ZNF337: variants seen among roughly 807,000 people sequenced by gnomAD.
ZNF337 encodes the protein zinc finger protein 337.
In ZNF337, 8 loss-of-function variants were observed where a neutral mutation model predicts 12.1. The observed-to-expected ratio is 0.66, with a 90% CI of 0.39 to 1.19. The LOEUF (loss-of-function observed/expected upper bound fraction) is 1.19. Ranked by LOEUF, ZNF337 falls within the 50% of genes most tolerant of loss-of-function variation. The pLI is 0.01. For synonymous variants in ZNF337, 336 were observed against 320.0 expected (o/e 1.05, Z -0.53); for missense variants, 882 against 896.6 (o/e 0.98, Z 0.21).
intron 1 of ZNF337, among the ~76,000 whole-genome samples, chr20:25,687,122 T>C (rs1311476031): frequency 6.6e-6 from 1 of 152,236 alleles, no homozygotes; most frequent in African/African-American, 2.4e-5. Context: ...AATTTTGTTG[T>C]TATAAAAGTA....
At chr20:25,679,596 A>T (rs2065746481) in intron 4 of ZNF337, among the ~76,000 whole-genome samples, 1 of 152,176 alleles carries the variant, frequency 6.6e-6, no homozygotes, top group Non-Finnish European at 1.5e-5. Flanking sequence ...GGGAAATGCA[A>T]ATCACACTGA....
At chr20:25,678,533 C>A (rs1435444749) in intron 4 of ZNF337, among the ~76,000 whole-genome samples, 3 of 152,038 alleles carry the variant, frequency 2.0e-5, no homozygotes, top group African/African-American at 7.2e-5. Context: ...TCATAAGGAA[C>A]CAAAAAGACC....
At chr20:25,696,570 G>A (rs1307907033) in intron 1 of ZNF337, among the ~76,000 whole-genome samples, 189 bp downstream of exon 1, 2 of 152,348 alleles carry the variant, frequency 1.3e-5, no homozygotes, top group African/African-American at 2.4e-5. Context: ...CGCTCGGCAA[G>A]CCGCAGCCCC....
rs144751006 is a variant in ZNF337 at position 25,676,640 on chromosome 20, G to A, written c.648C>T (p.Gly216=). ...AGAGCAATGCTGACTCATCTCTAAA[G>A]CCCTGGTGACACTCCCTGCATGTAA... ...KLFTCRECHQ[G]FRDESALLLH... The change falls in exon 5 of 5, where the codon GGC becomes GGT. Residue 216 remains glycine (G), a synonymous_variant. Transcript: ENST00000252979. 1.5e-4 allele frequency: 245 copies of A among 1,614,028 alleles called. No homozygotes were observed. The highest frequency in any genetic ancestry group is 1.9e-4 in the Non-Finnish European group (230 of 1,180,036).
intron 1 of ZNF337, 23 bp from the exon 2 acceptor site, chr20:25,686,489 G>A: frequency 6.3e-7 from 1 of 1,584,428 alleles, no homozygotes; most frequent in Non-Finnish European, 8.6e-7. Flanking sequence ...AGAAGTCAGA[G>A]GGTGGCTGGG....
At chr20:25,694,633 C>G (rs1166393876) in intron 1 of ZNF337, among the ~76,000 whole-genome samples, 8 of 152,138 alleles carry the variant, frequency 5.3e-5, no homozygotes. Context: ...CTGGTGAGGA[C>G]TAAATTCACC....
In ZNF337 at chr20:25,679,701, C is replaced by T. The variant is rs116470930; in HGVS notation, c.251-2664G>A. Among the ~76,000 whole-genome samples, 137 of 152,172 alleles carry T rather than the reference C, an allele frequency of 9.0e-4. 1 individual carries two copies. Among genetic ancestry groups the T allele is most frequent in the African/African-American group, 3.1e-3 (129 of 41,512 alleles). ...GCAGAAAAAAGGCAATAATTATACACTCTTGGTGTATAATTAGTACAGCCA... is the reference window on the plus strand; with the variant it reads ...GCAGAAAAAAGGCAATAATTATACATTCTTGGTGTATAATTAGTACAGCCA... On this transcript the variant is annotated intron_variant, in intron 4 of 4. Transcript: ENST00000252979.
chr20:25,676,696 G>A lies in ZNF337; in HGVS notation c.592C>T (p.His198Tyr). ...TTCTGCCTGGAATGTGCTTTTTTGT[G>A]TATGATTACCATCATCTTCCGGCTG... ...DFSRKMMVII[H>Y]KKAHSRQKLF... Residue 198 changes from histidine (H) to tyrosine (Y), a missense_variant, in exon 5 of 5, where the codon CAC becomes TAC. Coordinates refer to ENST00000252979, the MANE Select transcript of ZNF337 (RefSeq NM_015655.4). The A allele has an allele frequency of 6.2e-7, 1 of 1,614,188 alleles. No homozygotes were observed.
Position 25,675,342 on chromosome 20 carries a change from G to A in ZNF337, c.1946C>T (p.Thr649Ile). 6.2e-7 allele frequency: 1 copy of A among 1,614,242 alleles called. No homozygotes were observed. Among genetic ancestry groups the A allele is most frequent in the Non-Finnish European group, 8.5e-7 (1 of 1,180,038 alleles). The change falls in exon 5 of 5, where the codon ACA becomes ATA. Residue 649 changes from threonine to isoleucine, a missense_variant. Transcript: ENST00000252979. ...CACGAAGGGCTTCTCCCCTGAGTGTGTCCTCTGGTGTGTGAGGAGATTTCC... is the reference window on the plus strand; with the variant it reads ...CACGAAGGGCTTCTCCCCTGAGTGTATCCTCTGGTGTGTGAGGAGATTTCC... Reference protein sequence around the residue: ...WKGNLLTHQRTHSGEKPFVCN... With the variant: ...WKGNLLTHQRIHSGEKPFVCN...
intron 4 of ZNF337, among the ~76,000 whole-genome samples, chr20:25,683,229 A>AAATC: frequency 6.7e-6 from 1 of 148,506 alleles, no homozygotes; most frequent in Non-Finnish European, 1.5e-5. Flanking sequence ...TAGAGGTAAG[A>AAATC]ATCATCATCA....
At chr20:25,687,762 TGC>T (rs1401168585) in intron 1 of ZNF337, among the ~76,000 whole-genome samples, 1 of 152,254 alleles carries the variant, frequency 6.6e-6, no homozygotes, top group Non-Finnish European at 1.5e-5. Flanking sequence ...TTATGTAAAG[TGC>T]TGATTTACTG....
At position 25,686,464 on chromosome 20, in the gene ZNF337, A is replaced by T; in HGVS notation, c.-47T>A. ...GGAGAAGGGAAGCTTGCAGATGGCCAATCTGTGGGAGGAGAGAAGTCAGAG... is the reference window on the plus strand; with the variant it reads ...GGAGAAGGGAAGCTTGCAGATGGCCTATCTGTGGGAGGAGAGAAGTCAGAG... On this transcript the variant is annotated splice_region_variant and 5_prime_UTR_variant, in exon 2 of 5. Coordinates refer to ENST00000252979, the MANE Select transcript of ZNF337 (RefSeq NM_015655.4). The T allele has an allele frequency of 6.2e-7, 1 of 1,611,186 alleles. No individual in the cohort carries two copies.
chr20:25,696,087 T>TGCC (rs1491195722), intron 1 of ZNF337, among the ~76,000 whole-genome samples: 2 of 52,106 alleles, frequency 3.8e-5, no homozygotes, highest in Non-Finnish European at 7.8e-5. Context: ...CCCACGCAGA[T>TGCC]CCCCCCCCCC....
intron 1 of ZNF337, 54 bp from the exon 2 acceptor site, chr20:25,686,520 G>T: frequency 7.5e-7 from 1 of 1,331,388 alleles, no homozygotes; most frequent in Non-Finnish European, 1.1e-6. Flanking sequence ...CTCCCCATGT[G>T]TGACAGTTGG....
chr20:25,693,239 G>A (rs1180987726), intron 1 of ZNF337, among the ~76,000 whole-genome samples: 1 of 152,156 alleles, frequency 6.6e-6, no homozygotes, highest in Non-Finnish European at 1.5e-5. Flanking sequence ...ACCATGCCTG[G>A]CTAATTTCTG....
intron 1 of ZNF337, 26 bp from the exon 2 acceptor site, chr20:25,686,492 T>A: frequency 6.4e-7 from 1 of 1,574,332 alleles, no homozygotes; most frequent in Admixed American, 1.7e-5. Context: ...AGTCAGAGGG[T>A]GGCTGGGTGC....
At position 25,696,759 on chromosome 20, in the gene ZNF337, C is replaced by T. The variant is rs1171144164; in HGVS notation, c.-50G>A. ...AGGGACCCGCAGGAGCGCAGCTCAC[C>T]GGGGCGGCTGAGGGCGAACCGAGGC... On this transcript the variant is annotated splice_region_variant and 5_prime_UTR_variant, in exon 1 of 5. Transcript: ENST00000252979. 7.1e-6 allele frequency: 7 copies of T among 985,402 alleles called. No homozygotes were observed. Among genetic ancestry groups the T allele is most frequent in the Non-Finnish European group, 8.4e-6 (7 of 829,994 alleles). 61.0% of individuals were successfully genotyped at this position (985,402 alleles called of 1,614,324 possible).
In ZNF337 at chr20:25,686,424, CT is replaced by C. The variant is rs1336260658; in HGVS notation, c.-8del. On this transcript the variant is annotated 5_prime_UTR_variant, in exon 2 of 5. Transcript: ENST00000252979. Reference sequence around the variant, plus strand: ...TGGCTCCCTGAGGTCCCATGACTGTCTTCCTGCTCTCCACGGAGAAGGGAAG... The same window carrying C: ...TGGCTCCCTGAGGTCCCATGACTGTCTCCTGCTCTCCACGGAGAAGGGAAG... 2 of 1,614,122 alleles carry C rather than the reference CT, an allele frequency of 1.2e-6. No individual in the cohort carries two copies. Among genetic ancestry groups the C allele is most frequent in the South Asian group, 2.2e-5 (2 of 91,076 alleles).
Position 25,675,502 on chromosome 20 carries a change from C to G in ZNF337, c.1786G>C (p.Gly596Arg), listed in dbSNP as rs1569004361. The stretch of plus-strand genomic sequence containing the variant: ...TCACTACAGATGAAAGGCTTCTCCC[C>G]TGAGTGTGTCTTCTGGTGGAAGAGG... ...TLLFHQKTHS[G>R]EKPFICSECG... The change falls in exon 5 of 5, where the codon GGG (glycine) becomes CGG (arginine). Residue 596 changes from glycine (G) to arginine (R), a missense_variant. Transcript: ENST00000252979. 1 of 1,614,184 alleles carries G rather than the reference C, an allele frequency of 6.2e-7. No individual in the cohort carries two copies. The highest frequency in any genetic ancestry group is 1.1e-5 in the South Asian group (1 of 91,072).
Sources: gnomAD v4.1 joint callset for allele counts (sites outside exome capture counted in the v4.1 genomes callset) on GRCh38, gnomAD v4.1.1 for gene constraint, MANE v1.5 for transcripts, NCBI Gene and HGNC (gene_info 2026-07-23, HGNC 2026-07-21) for gene names.